The following TRIQK variants were observed in gnomAD, a reference collection of about 807,000 sequenced individuals.
TRIQK encodes triple QxxK/R motif-containing protein.
TRIQK carries 10 observed loss-of-function variants against 10.8 expected under a neutral mutation model. That is an observed-to-expected ratio of 0.92 (90% CI 0.57 to 1.57). The LOEUF is 1.57. TRIQK is among the 40% of genes most tolerant of loss of function. TRIQK has a pLI of 0.00. For synonymous variants in TRIQK, 33 were observed against 33.7 expected, an observed-to-expected ratio of 0.98 and a Z score of 0.07; for missense variants, 107 against 97.7, an observed-to-expected ratio of 1.09 and a Z score of -0.40.
rs189437316 is a variant in TRIQK, at chr8:92,915,405, T to A, written c.61+1524A>T. 9.5e-4 allele frequency among the ~76,000 whole-genome samples: 145 copies of A among 152,284 alleles called. No individual in the cohort carries two copies. In the Middle Eastern group the frequency reaches 0.01, roughly 11 times the overall value. On this transcript the variant is annotated intron_variant, in intron 3 of 4. Coordinates refer to ENST00000521988, the MANE Select transcript of TRIQK (RefSeq NM_001171797.2). ...TATGTGAGATGATGCATATTTTAAT[T>A]GGTTTGACTGTAGTAATCATTTACT...
At chr8:92,987,158 T>C (rs1330436859) in intron 1 of TRIQK, among the ~76,000 whole-genome samples, 6 of 152,224 alleles carry the variant, frequency 3.9e-5, no homozygotes, top group African/African-American at 1.4e-4. Context: ...TAAAGTGTTT[T>C]CTTTTTTAAG....
intron 4 of TRIQK, among the ~76,000 whole-genome samples, chr8:92,890,721 GAAAC>G (rs1485648341): frequency 4.6e-5 from 7 of 151,740 alleles, no homozygotes; most frequent in Non-Finnish European, 1.0e-4. Flanking sequence ...ATTTTTCTAA[GAAAC>G]AAACAAACTA....
intron 2 of TRIQK, among the ~76,000 whole-genome samples, chr8:92,946,123 G>A (rs1811518873): frequency 6.6e-6 from 1 of 152,092 alleles, no homozygotes; most frequent in Non-Finnish European, 1.5e-5. Flanking sequence ...TCTCAAGTGT[G>A]ATATATCTAG....
intron 1 of TRIQK, among the ~76,000 whole-genome samples, chr8:92,956,013 A>G (rs781165524): frequency 2.0e-5 from 3 of 151,804 alleles, no homozygotes; most frequent in Non-Finnish European, 4.4e-5. Flanking sequence ...CAGCTCCTCA[A>G]AAATGCACGG....
chr8:93,017,059 A>G (rs998257695), intron 1 of TRIQK, among the ~76,000 whole-genome samples: 7 of 151,428 alleles, frequency 4.6e-5, no homozygotes, highest in African/African-American at 1.5e-4. Context: ...AAGTACATTC[A>G]ATAATACTGA....
rs1034968013 is a variant in TRIQK at position 92,992,214 on chromosome 8, C to G, written c.-181+25395G>C. On this transcript the variant is annotated intron_variant, in intron 1 of 4. Transcript: ENST00000520686. Reference sequence around the variant, plus strand: ...GGAGAGAAACAGGAAACTCCTGCCCCCAGGACCCAGGCAATGTTCCTGGGG... The same window carrying G: ...GGAGAGAAACAGGAAACTCCTGCCCGCAGGACCCAGGCAATGTTCCTGGGG... Among the ~76,000 whole-genome samples, 3 of 152,044 alleles carry G rather than the reference C, an allele frequency of 2.0e-5. No homozygotes were observed. The East Asian group carries it at 5.8e-4, about 29-fold the overall frequency.
intron 4 of TRIQK, among the ~76,000 whole-genome samples, chr8:92,889,325 T>A (rs1467021755): frequency 6.6e-6 from 1 of 151,668 alleles, no homozygotes; most frequent in Admixed American, 6.6e-5. Flanking sequence ...ATTTCTTGTA[T>A]AAGCTCTTCC....
chr8:92,996,501 G>C (rs1271117690), intron 1 of TRIQK, among the ~76,000 whole-genome samples: 1 of 152,008 alleles, frequency 6.6e-6, no homozygotes, highest in African/African-American at 2.4e-5. Context: ...TAAGGAGCAA[G>C]TGGCTATATG....
chr8:92,970,045 T>C (rs1349745045), upstream of TRIQK, among the ~76,000 whole-genome samples: 1 of 152,258 alleles, frequency 6.6e-6, no homozygotes, highest in African/African-American at 2.4e-5. Flanking sequence ...TATTCAGTGT[T>C]TGGTTTTCTG....
At chr8:92,914,382 G>T (rs920939361) in intron 3 of TRIQK, among the ~76,000 whole-genome samples, 3 of 152,012 alleles carry the variant, frequency 2.0e-5, no homozygotes, top group Non-Finnish European at 4.4e-5. Context: ...ACAAACAAAG[G>T]AGACTAAATT....
At chr8:92,961,364 C>T (rs927161746) in intron 1 of TRIQK, among the ~76,000 whole-genome samples, 1 of 151,832 alleles carries the variant, frequency 6.6e-6, no homozygotes, top group Non-Finnish European at 1.5e-5. Context: ...AAAACTGTAC[C>T]TTCCCATCCT....
rs145859580 is a variant in TRIQK, at chr8:92,918,740, A to C, written c.-21-1730T>G. On this transcript the variant is annotated intron_variant, in intron 2 of 4. Transcript: ENST00000521988. Reference sequence around the variant, plus strand: ...TAGCTTGATGTAATCCTATGTGTCTATTTTTGATTTTGTTGCCTGGGCTTT... The same window carrying C: ...TAGCTTGATGTAATCCTATGTGTCTCTTTTTGATTTTGTTGCCTGGGCTTT... 1.8e-4 allele frequency among the ~76,000 whole-genome samples: 28 copies of C among 151,368 alleles called. No homozygotes were observed. The East Asian group carries it at 5.4e-3, about 29-fold the overall frequency.
At chr8:92,998,975 T>C (rs554826239) in intron 1 of TRIQK, among the ~76,000 whole-genome samples, 4 of 152,128 alleles carry the variant, frequency 2.6e-5, no homozygotes, top group Non-Finnish European at 5.9e-5. Context: ...TAGAGGGAGA[T>C]GGACTTGTAG....
intron 2 of TRIQK, among the ~76,000 whole-genome samples, chr8:92,933,383 A>G (rs1028596624): frequency 1.3e-5 from 2 of 152,150 alleles, no homozygotes; most frequent in African/African-American, 4.8e-5. Flanking sequence ...TACAGAATAA[A>G]TAACCTGTGC....
intron 1 of TRIQK, among the ~76,000 whole-genome samples, chr8:92,981,727 A>G (rs1218015717): frequency 6.6e-6 from 1 of 151,674 alleles, no homozygotes; most frequent in East Asian, 1.9e-4. Context: ...TCATTTTTTT[A>G]TTACTCCAAT....
At chr8:92,990,528 T>A (rs1031074773) in intron 1 of TRIQK, among the ~76,000 whole-genome samples, 6 of 152,092 alleles carry the variant, frequency 3.9e-5, no homozygotes, top group Admixed American at 2.0e-4. Context: ...AGGCAGGTGA[T>A]TTCTGCATTT....
rs947747911 is a variant in TRIQK, at chr8:92,966,094, G to T, written c.-268C>A. On this transcript the variant is annotated 5_prime_UTR_variant, in exon 1 of 5. Coordinates refer to ENST00000521988, the MANE Select transcript of TRIQK (RefSeq NM_001171797.2). The stretch of plus-strand genomic sequence containing the variant: ...GGTTCTGTCACTCAGGGGCAGGGGC[G>T]GGACAAGCCAGCCGCACACCCCTAC... The T allele has an allele frequency of 1.3e-5, 2 of 152,496 alleles. No homozygotes were observed. Among genetic ancestry groups the T allele is most frequent in the Non-Finnish European group, 2.9e-5 (2 of 68,282 alleles). 9.4% of individuals were successfully genotyped at this position (152,496 alleles called of 1,614,324 possible).
chr8:92,886,422 T>A lies in TRIQK; in HGVS notation c.*200A>T. On this transcript the variant is annotated 3_prime_UTR_variant, in exon 5 of 5. Coordinates refer to ENST00000521988, the MANE Select transcript of TRIQK (RefSeq NM_001171797.2). ...CAAAGCAGAAAGATATATAAAAGTATCCAGTAGCACATACTATACTGCATT... is the reference window on the plus strand; with the variant it reads ...CAAAGCAGAAAGATATATAAAAGTAACCAGTAGCACATACTATACTGCATT... 2.9e-6 allele frequency: 1 copy of A among 350,366 alleles called. No individual in the cohort carries two copies. The allele number at this position is 350,366 out of a possible 1,614,324, so 21.7% of individuals were successfully genotyped here.
In TRIQK at chr8:92,884,848, G is replaced by C. The variant is rs546252756; in HGVS notation, c.*1774C>G. 45 of 455,880 alleles carry C rather than the reference G, an allele frequency of 9.9e-5. No individual in the cohort carries two copies. Among genetic ancestry groups the C allele is most frequent in the Admixed American group, 1.4e-4 (6 of 42,460 alleles). 28.2% of individuals were successfully genotyped at this position (455,880 alleles called of 1,614,324 possible). A position where few individuals can be genotyped will look rare whatever the true frequency, so the allele number is the denominator to read the frequency against. On this transcript the variant is annotated 3_prime_UTR_variant, in exon 5 of 5. Coordinates refer to ENST00000521988, the MANE Select transcript of TRIQK (RefSeq NM_001171797.2). ...TGTTCACGTAAATGTGATGGGAGTGGGGGGGTGGGGAGCAGTATTTCTTGA... is the reference window on the plus strand; with the variant it reads ...TGTTCACGTAAATGTGATGGGAGTGCGGGGGTGGGGAGCAGTATTTCTTGA...
Sources: allele counts gnomAD v4.1 joint callset (sites outside exome capture counted in the v4.1 genomes callset), GRCh38; gene constraint gnomAD v4.1.1; transcripts MANE v1.5; gene names NCBI Gene and HGNC (gene_info 2026-07-23, HGNC 2026-07-21).